The following SLC28A1 variants were observed in gnomAD, a reference collection of about 807,000 sequenced individuals.
SLC28A1 encodes sodium/nucleoside cotransporter 1.
A neutral mutation model predicts 74.8 loss-of-function variants in SLC28A1; 64 were observed. The observed-to-expected ratio is 0.86, with a 90% CI of 0.70 to 1.05. The LOEUF (loss-of-function observed/expected upper bound fraction) is 1.05. Among genes scored for constraint, SLC28A1 ranks in the 50% least tolerant of loss-of-function variants. The pLI is 0.00. For missense variants in SLC28A1, 828 were observed against 822.8 expected (o/e 1.01, Z -0.08); for synonymous variants, 359 against 335.0 (o/e 1.07, Z -0.78).
intron 6 of SLC28A1, among the ~76,000 whole-genome samples, chr15:84,896,385 A>T (rs1042416926): frequency 6.6e-6 from 1 of 152,236 alleles, no homozygotes; most frequent in African/African-American, 2.4e-5. Context: ...AAGCCACAAT[A>T]AGATACCACT....
At chr15:84,943,070 C>A (rs985709078) in intron 15 of SLC28A1, among the ~76,000 whole-genome samples, 1 of 152,126 alleles carries the variant, frequency 6.6e-6, no homozygotes, top group African/African-American at 2.4e-5. Flanking sequence ...CCTATAATCC[C>A]AGCTACTCGG....
At position 84,885,051 on chromosome 15, in the gene SLC28A1, C is replaced by T. The variant is rs549068162; in HGVS notation, c.-133+300C>T. On this transcript the variant is annotated intron_variant, in intron 1 of 18. Coordinates refer to ENST00000394573, the MANE Select transcript of SLC28A1 (RefSeq NM_004213.5). Reference sequence around the variant, plus strand: ...TCTGCTCACTGCAGCCTCCACCTCTCGGGTTCAAGCAATTCTCCTGCCTCA... The same window carrying T: ...TCTGCTCACTGCAGCCTCCACCTCTTGGGTTCAAGCAATTCTCCTGCCTCA... 5.3e-5 allele frequency among the ~76,000 whole-genome samples: 8 copies of T among 152,194 alleles called. No individual in the cohort carries two copies. The South Asian group carries it at 1.7e-3, about 32-fold the overall frequency.
intron 4 of SLC28A1, among the ~76,000 whole-genome samples, chr15:84,889,099 G>A (rs1964966149): frequency 6.6e-6 from 1 of 152,160 alleles, no homozygotes; most frequent in Admixed American, 6.5e-5. Flanking sequence ...ACCCCAGTAT[G>A]TACCGTGGGG....
chr15:84,966,625 C>T, the SLC28A1 span, among the ~76,000 whole-genome samples: 1 of 152,190 alleles, frequency 6.6e-6, no homozygotes, highest in African/African-American at 2.4e-5. Flanking sequence ...ATTTACAGTT[C>T]ATATGGCTGG....
At chr15:84,971,625 AC>A in the SLC28A1 span, among the ~76,000 whole-genome samples, 24 of 149,520 alleles carry the variant, frequency 1.6e-4, no homozygotes, top group Non-Finnish European at 2.1e-4. Flanking sequence ...CACCAAATAT[AC>A]CCCACCCCTC....
At chr15:84,918,162 C>G (rs868661029) in intron 9 of SLC28A1, among the ~76,000 whole-genome samples, 1 of 152,072 alleles carries the variant, frequency 6.6e-6, no homozygotes, top group African/African-American at 2.4e-5. Context: ...ACCTTCACAA[C>G]GACCCTCAGA....
the SLC28A1 span, among the ~76,000 whole-genome samples, chr15:84,952,637 G>A: frequency 1.1e-4 from 17 of 152,230 alleles, no homozygotes; most frequent in Non-Finnish European, 2.4e-4. Context: ...TGTAATCCCA[G>A]CACTTTGGGA....
chr15:84,955,398 C>G, the SLC28A1 span, among the ~76,000 whole-genome samples: 1 of 152,196 alleles, frequency 6.6e-6, no homozygotes, highest in Admixed American at 6.5e-5. Flanking sequence ...CGTGAAGCAT[C>G]TGGAATACAA....
At chr15:84,912,034 C>T (rs997294776) in intron 9 of SLC28A1, among the ~76,000 whole-genome samples, 5 of 152,172 alleles carry the variant, frequency 3.3e-5, no homozygotes, top group Non-Finnish European at 5.9e-5. Flanking sequence ...CCTGGTAGGC[C>T]CTGTCCTCTG....
At chr15:84,945,085 A>T (rs952776973) in intron 18 of SLC28A1, 40 bp from the exon 19 acceptor site, 1 of 1,581,910 alleles carries the variant, frequency 6.3e-7, no homozygotes, top group South Asian at 1.1e-5. Context: ...CCGCAGAACC[A>T]GGCCTGGAGC....
the SLC28A1 span, among the ~76,000 whole-genome samples, chr15:84,955,996 G>T: frequency 1.3e-5 from 2 of 152,112 alleles, no homozygotes; most frequent in African/African-American, 2.4e-5. Flanking sequence ...ACAGATACTT[G>T]ATTTTTAAAG....
chr15:84,916,550 C>T (rs1969133436), intron 9 of SLC28A1, among the ~76,000 whole-genome samples: 1 of 152,108 alleles, frequency 6.6e-6, no homozygotes, highest in Admixed American at 6.5e-5. Context: ...GCTGGGCCAA[C>T]CTGTACTTCT....
intron 6 of SLC28A1, among the ~76,000 whole-genome samples, chr15:84,903,704 T>TC (rs1324198031): frequency 6.6e-6 from 1 of 152,144 alleles, no homozygotes; most frequent in African/African-American, 2.4e-5. Flanking sequence ...ACAGGTCCTT[T>TC]CTCCCCCAAG....
intron 1 of SLC28A1, among the ~76,000 whole-genome samples, chr15:84,885,436 A>G (rs1229377045): frequency 6.6e-6 from 1 of 151,814 alleles, no homozygotes; most frequent in Admixed American, 6.6e-5. Flanking sequence ...TTAGGAAAAA[A>G]AAAGTGGAGA....
At chr15:84,971,681 A>C in the SLC28A1 span, among the ~76,000 whole-genome samples, 1 of 134,768 alleles carries the variant, frequency 7.4e-6, no homozygotes, top group Non-Finnish European at 1.5e-5. Context: ...ACAGGGTGTC[A>C]CTCTGTCACC....
chr15:84,953,405 G>T, the SLC28A1 span, among the ~76,000 whole-genome samples: 2 of 152,188 alleles, frequency 1.3e-5, no homozygotes, highest in African/African-American at 2.4e-5. Flanking sequence ...TCACTTAGAG[G>T]TGTGTCACTG....
chr15:84,932,737 C>T (rs1971465580), intron 12 of SLC28A1, among the ~76,000 whole-genome samples: 1 of 152,208 alleles, frequency 6.6e-6, no homozygotes, highest in Non-Finnish European at 1.5e-5. Context: ...GGGGAAACCT[C>T]AGCTAACGGG....
At chr15:84,895,564 CA>C in intron 6 of SLC28A1, 1 of 1,536,110 alleles carries the variant, frequency 6.5e-7, no homozygotes. Flanking sequence ...CGTCCTTGGA[CA>C]ACAGTTTGAG....
intron 6 of SLC28A1, chr15:84,895,534 G>T (rs1016448267): frequency 1.9e-6 from 3 of 1,555,284 alleles, no homozygotes; most frequent in Middle Eastern, 2.3e-4. Flanking sequence ...GCCTCCAGGG[G>T]ATTCTGATGT....
Sources: gnomAD v4.1 joint callset for allele counts (sites outside exome capture counted in the v4.1 genomes callset) on GRCh38, gnomAD v4.1.1 for gene constraint, MANE v1.5 for transcripts, NCBI Gene and HGNC (gene_info 2026-07-23, HGNC 2026-07-21) for gene names.